The following KCNQ4 variants were observed in gnomAD, a reference collection of about 807,000 sequenced individuals.
KCNQ4 encodes potassium voltage-gated channel subfamily Q member 4, also known as potassium voltage-gated channel subfamily KQT member 4.
A neutral mutation model predicts 72.6 loss-of-function variants in KCNQ4; 31 were observed. The ratio of observed to expected loss-of-function variants is 0.43; its 90% CI spans 0.32 to 0.58. KCNQ4 has a LOEUF of 0.58. Among genes scored for constraint, KCNQ4 ranks in the 20% least tolerant of loss-of-function variants. KCNQ4 has a pLI of 0.08. For missense variants in KCNQ4, 869 were observed against 962.6 expected (o/e 0.90, Z 1.29); for synonymous variants, 405 against 403.7 (o/e 1.00, Z -0.04).
chr1:40,810,045 G>A (rs1647880638), intron 1 of KCNQ4, among the ~76,000 whole-genome samples: 1 of 110,320 alleles, frequency 9.1e-6, no homozygotes, highest in African/African-American at 3.7e-5. Flanking sequence ...GGGCGACAGA[G>A]TGAGACTCCG....
intron 1 of KCNQ4, among the ~76,000 whole-genome samples, chr1:40,805,763 C>A (rs1370212684): frequency 6.6e-6 from 1 of 152,144 alleles, no homozygotes; most frequent in African/African-American, 2.4e-5. Flanking sequence ...TGCAATCATG[C>A]TAAGGGGTTT....
intron 11 of KCNQ4, among the ~76,000 whole-genome samples, chr1:40,833,722 C>T (rs777909431): frequency 2.0e-5 from 3 of 150,774 alleles, no homozygotes; most frequent in Non-Finnish European, 2.9e-5. Flanking sequence ...TCAGGCTGGG[C>T]GTGGTGGCTC....
chr1:40,807,933 A>G (rs1647812409), intron 1 of KCNQ4, among the ~76,000 whole-genome samples: 1 of 151,204 alleles, frequency 6.6e-6, no homozygotes, highest in Non-Finnish European at 1.5e-5. Context: ...AGCCTGGGAA[A>G]ATAGCAAGAC....
chr1:40,818,480 G>A, intron 3 of KCNQ4, 25 bp from the exon 4 acceptor site: 1 of 1,599,064 alleles, frequency 6.3e-7, no homozygotes, highest in Non-Finnish European at 8.5e-7. Context: ...GGCTGGCTGT[G>A]ATCTCGCCGC....
chr1:40,813,051 G>A (rs1292281360), intron 1 of KCNQ4, among the ~76,000 whole-genome samples: 2 of 152,198 alleles, frequency 1.3e-5, no homozygotes, highest in Non-Finnish European at 2.9e-5. Flanking sequence ...AAAGCCTGGA[G>A]GTGGAAATAT....
intron 5 of KCNQ4, 64 bp downstream of exon 5, chr1:40,819,536 T>A (rs1481517687): frequency 6.2e-7 from 1 of 1,601,486 alleles, no homozygotes; most frequent in East Asian, 2.2e-5. Context: ...CTTCCCGAGG[T>A]CTGCCCATCG....
chr1:40,785,751 G>A (rs998439973), intron 1 of KCNQ4, among the ~76,000 whole-genome samples: 3 of 152,108 alleles, frequency 2.0e-5, no homozygotes, highest in Admixed American at 1.3e-4. Context: ...CCTGTTTCTC[G>A]GGTGCTTGCT....
At chr1:40,825,640 T>G (rs1236812410) in intron 9 of KCNQ4, among the ~76,000 whole-genome samples, 1 of 151,176 alleles carries the variant, frequency 6.6e-6, no homozygotes, top group Non-Finnish European at 1.5e-5. Context: ...CCTGGGAGAG[T>G]AGGGCCCCTC....
chr1:40,828,591 CTTGGCCAAATCA>C lies in KCNQ4; in HGVS notation c.1293-2491_1293-2480del, dbSNP rs1570843795. On this transcript the variant is annotated intron_variant, in intron 9 of 13. Coordinates refer to ENST00000347132, the MANE Select transcript of KCNQ4 (RefSeq NM_004700.4). ...CTCCATCTCATAGGAGCTCTGTGAC[CTTGGCCAAATCA>C]TCTCACCTCTTTCCGTGTATATAAA... is the stretch of plus-strand genomic sequence containing the variant. Among the ~76,000 whole-genome samples the C allele has an allele frequency of 5.3e-5, 8 of 152,314 alleles. No homozygotes were observed. In the East Asian group the frequency reaches 1.5e-3, roughly 29 times the overall value.
At chr1:40,830,796 C>A (rs754406584) in intron 9 of KCNQ4, among the ~76,000 whole-genome samples, 1 of 152,114 alleles carries the variant, frequency 6.6e-6, no homozygotes, top group African/African-American at 2.4e-5. Context: ...ATTTCTCCCA[C>A]TCCTTCCACT....
In KCNQ4 at chr1:40,839,985, C is replaced by A. The variant is rs1224136633; in HGVS notation, c.*1462C>A. On this transcript the variant is annotated 3_prime_UTR_variant, in exon 14 of 14. Coordinates refer to ENST00000347132, the MANE Select transcript of KCNQ4 (RefSeq NM_004700.4). The stretch of plus-strand genomic sequence containing the variant: ...CCAGGAACACTTTCTTATCCCCACC[C>A]CTTTGCTCCTCTTCTGCAAAGCCAA... 1 of 152,360 alleles carries A rather than the reference C, an allele frequency of 6.6e-6. No individual in the cohort carries two copies. The highest frequency in any genetic ancestry group is 1.5e-5 in the Non-Finnish European group (1 of 68,114). 9.4% of individuals were successfully genotyped at this position (152,360 alleles called of 1,614,324 possible). A position where few individuals can be genotyped will look rare whatever the true frequency, so the allele number is the denominator to read the frequency against.
chr1:40,834,765 G>A (rs1179405479), intron 11 of KCNQ4, among the ~76,000 whole-genome samples: 2 of 151,948 alleles, frequency 1.3e-5, no homozygotes, highest in Admixed American at 1.3e-4. Context: ...ACCCCGGCTG[G>A]TTGATTAACC....
chr1:40,803,391 C>T (rs1156337931), intron 1 of KCNQ4, among the ~76,000 whole-genome samples: 1 of 152,216 alleles, frequency 6.6e-6, no homozygotes, highest in Non-Finnish European at 1.5e-5. Context: ...GGAGACAGAA[C>T]CCACCGACCC....
intron 4 of KCNQ4, chr1:40,818,885 T>A (rs1648188696): frequency 4.9e-6 from 3 of 612,532 alleles, no homozygotes; most frequent in African/African-American, 1.9e-5. Flanking sequence ...GGCCTAGGAG[T>A]CCGGACCGGA....
intron 1 of KCNQ4, among the ~76,000 whole-genome samples, chr1:40,803,490 T>C (rs1374254776): frequency 6.6e-6 from 1 of 152,204 alleles, no homozygotes; most frequent in East Asian, 1.9e-4. Flanking sequence ...CTCAGGATCC[T>C]GCCTCCATCA....
At chr1:40,820,364 C>T (rs1336348410) in intron 7 of KCNQ4, 104 bp downstream of exon 7, 4 of 968,136 alleles carry the variant, frequency 4.1e-6, no homozygotes, top group Non-Finnish European at 6.5e-6. Flanking sequence ...TGTGACACCA[C>T]TTTGAAGCTC....
At chr1:40,790,443 T>C (rs1324882508) in intron 1 of KCNQ4, among the ~76,000 whole-genome samples, 1 of 152,158 alleles carries the variant, frequency 6.6e-6, no homozygotes, top group African/African-American at 2.4e-5. Flanking sequence ...ATAGGAGCTA[T>C]GTCTGCCTGT....
chr1:40,822,278 C>A, intron 7 of KCNQ4, 36 bp from the exon 8 acceptor site: 1 of 1,546,626 alleles, frequency 6.5e-7, no homozygotes, highest in Non-Finnish European at 8.9e-7. Flanking sequence ...AGAGGCCTCA[C>A]TGATGCCCCA....
intron 8 of KCNQ4, among the ~76,000 whole-genome samples, chr1:40,822,610 A>ACATAGGGCATTGGTGAAGCCCAG (rs1336445853): frequency 3.9e-5 from 6 of 152,254 alleles, no homozygotes; most frequent in African/African-American, 1.4e-4. Context: ...TGGATACTGG[A>ACATAGGGCATTGGTGAAGCCCAG]CATAGGGCAT....
Sources: gnomAD v4.1 joint callset for allele counts (sites outside exome capture counted in the v4.1 genomes callset) on GRCh38, gnomAD v4.1.1 for gene constraint, MANE v1.5 for transcripts, NCBI Gene and HGNC (gene_info 2026-07-23, HGNC 2026-07-21) for gene names.